Variants in ROBO2 observed in about 807,000 individuals in gnomAD.
The protein encoded by ROBO2 is roundabout homolog 2.
In ROBO2, 53 loss-of-function variants were observed where a neutral mutation model predicts 160.8. The ratio of observed to expected loss-of-function variants is 0.33; its 90% CI spans 0.26 to 0.41. ROBO2 has a LOEUF of 0.41. Ranked by LOEUF, ROBO2 falls within the 10% of genes least tolerant of loss-of-function variation. The pLI is 1.00. For missense variants in ROBO2, 1,577 were observed against 1,722.4 expected (o/e 0.92, Z 1.49); for synonymous variants, 664 against 611.7 (o/e 1.09, Z -1.26).
intron 2 of ROBO2, among the ~76,000 whole-genome samples, chr3:76,987,587 C>A (rs1277489357): frequency 1.3e-5 from 2 of 152,080 alleles, no homozygotes; most frequent in Non-Finnish European, 2.9e-5. Flanking sequence ...ATAATTCATG[C>A]ACTTCTAAAA....
At chr3:77,422,679 C>G (rs2077818630) in intron 2 of ROBO2, among the ~76,000 whole-genome samples, 1 of 152,108 alleles carries the variant, frequency 6.6e-6, no homozygotes, top group Non-Finnish European at 1.5e-5. Flanking sequence ...TTTGACCTCC[C>G]CTGGTTGGAT....
Position 77,047,762 on chromosome 3 carries a change from G to A in ROBO2, c.61+6916G>A, listed in dbSNP as rs140100884. Reference sequence around the variant, plus strand: ...AAAGATGTATATAAAGATATATATGGGCTGGGCGCGGTGGCTCACGCCTGT... The same window carrying A: ...AAAGATGTATATAAAGATATATATGAGCTGGGCGCGGTGGCTCACGCCTGT... On this transcript the variant is annotated intron_variant, in intron 1 of 25. Transcript: ENST00000461745. Among the ~76,000 whole-genome samples, 1,135 of 149,626 alleles carry A rather than the reference G, an allele frequency of 7.6e-3. 41 individuals are homozygous for A. The East Asian group carries it at 0.12, about 15-fold the overall frequency.
At chr3:76,503,670 T>C (rs1216824932) in intron 2 of ROBO2, among the ~76,000 whole-genome samples, 1 of 152,150 alleles carries the variant, frequency 6.6e-6, no homozygotes, top group Non-Finnish European at 1.5e-5. Context: ...CTGGAACATA[T>C]TATGTTAAGT....
intron 2 of ROBO2, among the ~76,000 whole-genome samples, chr3:76,088,924 C>A (rs139034426): frequency 6.6e-6 from 1 of 151,786 alleles, no homozygotes; most frequent in Non-Finnish European, 1.5e-5. Context: ...AAACAAAAAA[C>A]TGGTTATTTG....
chr3:77,628,426 T>C (rs1487347475), intron 23 of ROBO2, among the ~76,000 whole-genome samples: 1 of 137,810 alleles, frequency 7.3e-6, no homozygotes, highest in African/African-American at 2.7e-5. Flanking sequence ...CATTATCTTT[T>C]CTTCTCTCTC....
At chr3:77,154,056 C>T (rs2077761599) in intron 2 of ROBO2, among the ~76,000 whole-genome samples, 1 of 151,934 alleles carries the variant, frequency 6.6e-6, no homozygotes, top group African/African-American at 2.4e-5. Context: ...CTTCACAGCC[C>T]TTCAGATATC....
intron 2 of ROBO2, among the ~76,000 whole-genome samples, chr3:76,647,105 T>C (rs974950432): frequency 2.0e-5 from 3 of 152,140 alleles, no homozygotes; most frequent in African/African-American, 7.2e-5. Context: ...GCTGCGTTGC[T>C]CGTCTTGTTC....
chr3:77,630,094 T>C (rs1442927060), intron 23 of ROBO2: 3 of 152,166 alleles, frequency 2.0e-5, no homozygotes, highest in African/African-American at 4.8e-5. Flanking sequence ...ATTTAGACTT[T>C]AAAGTTTGTC....
chr3:76,846,127 C>G (rs551547928), intron 2 of ROBO2, among the ~76,000 whole-genome samples: 1 of 152,092 alleles, frequency 6.6e-6, no homozygotes, highest in Non-Finnish European at 1.5e-5. Flanking sequence ...GAACCCAAAC[C>G]TTTATGAAAT....
chr3:76,031,787 G>C (rs2066929959), intron 2 of ROBO2, among the ~76,000 whole-genome samples: 1 of 151,876 alleles, frequency 6.6e-6, no homozygotes, highest in South Asian at 2.1e-4. Flanking sequence ...GAGGATTTTT[G>C]CATCGATGTT....
At chr3:77,577,541 A>G in exon 15 of ROBO2, 1 of 1,613,416 alleles carries the variant, frequency 6.2e-7, no homozygotes, top group Non-Finnish European at 8.5e-7. Flanking sequence ...GGAAGCTACA[A>G]TAGCACAAGT....
intron 2 of ROBO2, among the ~76,000 whole-genome samples, chr3:77,153,234 G>C (rs939223456): frequency 2.0e-5 from 3 of 152,054 alleles, no homozygotes; most frequent in Non-Finnish European, 2.9e-5. Context: ...AGATTTTCTT[G>C]CAGGACGTTG....
chr3:76,529,432 C>G (rs867969805), intron 2 of ROBO2, among the ~76,000 whole-genome samples: 1 of 152,060 alleles, frequency 6.6e-6, no homozygotes, highest in Non-Finnish European at 1.5e-5. Context: ...CTTTTCTCAA[C>G]TTCTCTTTCT....
At chr3:76,339,528 C>A (rs2074091118) in intron 2 of ROBO2, among the ~76,000 whole-genome samples, 2 of 152,030 alleles carry the variant, frequency 1.3e-5, no homozygotes, top group South Asian at 4.1e-4. Flanking sequence ...TTATCTTTCT[C>A]TTTCAAGAAC....
Position 77,294,210 on chromosome 3 carries a change from G to A in ROBO2, c.389-183204G>A, listed in dbSNP as rs115886128. ...TGTGAAGTAAAATTGACGGCTAAAA[G>A]GGTAAGCTGAGACTAGATCACCCCG... On this transcript the variant is annotated intron_variant, in intron 2 of 25. Transcript: ENST00000461745. Among the ~76,000 whole-genome samples, 521 of 142,520 alleles carry A rather than the reference G, an allele frequency of 3.7e-3. 60 individuals are homozygous for A. Among genetic ancestry groups the A allele is most frequent in the African/African-American group, 0.013 (497 of 37,458 alleles). The allele number at this position is 142,520 out of a possible 152,430, so 93.5% of individuals were successfully genotyped here.
chr3:77,612,067 G>A (rs991231499), intron 21 of ROBO2, among the ~76,000 whole-genome samples: 5 of 152,048 alleles, frequency 3.3e-5, no homozygotes, highest in Admixed American at 3.3e-4. Context: ...TTGATTTGTT[G>A]TCATCTTTAT....
intron 2 of ROBO2, among the ~76,000 whole-genome samples, chr3:76,977,344 A>G (rs554438344): frequency 6.6e-6 from 1 of 152,208 alleles, no homozygotes; most frequent in Non-Finnish European, 1.5e-5. Context: ...TGAAAATCCT[A>G]ATTGAACCAG....
At chr3:76,051,878 A>G (rs1288080009) in intron 2 of ROBO2, among the ~76,000 whole-genome samples, 1 of 149,260 alleles carries the variant, frequency 6.7e-6, no homozygotes. Flanking sequence ...CAGCTTATTT[A>G]GAGTTTTGAA....
chr3:76,285,106 C>A (rs997367814), intron 2 of ROBO2, among the ~76,000 whole-genome samples: 1 of 151,954 alleles, frequency 6.6e-6, no homozygotes, highest in East Asian at 1.9e-4. Flanking sequence ...TGCTGTGGGA[C>A]GAGAAGAACT....
Sources: gnomAD v4.1 joint callset for allele counts (sites outside exome capture counted in the v4.1 genomes callset) on GRCh38, gnomAD v4.1.1 for gene constraint, MANE v1.5 for transcripts, NCBI Gene and HGNC (gene_info 2026-07-23, HGNC 2026-07-21) for gene names.